Variants in CTNNA2 observed in about 807,000 individuals in gnomAD.
The protein encoded by CTNNA2 is catenin alpha 2, also known as catenin alpha-2.
CTNNA2 carries 42 observed loss-of-function variants against 101.0 expected under a neutral mutation model. That is an observed-to-expected ratio of 0.42 (90% CI 0.32 to 0.54). The LOEUF is 0.54. CTNNA2 is among the 20% of genes least tolerant of loss of function. CTNNA2 has a pLI of 0.14. For missense variants in CTNNA2, 871 were observed against 1,223.1 expected, an observed-to-expected ratio of 0.71 and a Z score of 4.29; for synonymous variants, 450 against 456.4, an observed-to-expected ratio of 0.99 and a Z score of 0.18.
At chr2:80,364,313 A>G (rs951118892) in intron 7 of CTNNA2, among the ~76,000 whole-genome samples, 12 of 152,164 alleles carry the variant, frequency 7.9e-5, no homozygotes, top group African/African-American at 2.9e-4. Context: ...TCACTTCTTC[A>G]GAGTTCAATA....
chr2:80,585,565 T>C (rs1695906704), intron 14 of CTNNA2, among the ~76,000 whole-genome samples: 1 of 152,182 alleles, frequency 6.6e-6, no homozygotes. Flanking sequence ...TTTTCTCATG[T>C]TCCCTTAGTT....
At chr2:79,365,664 T>TG (rs1677732554) in intron 3 of CTNNA2, among the ~76,000 whole-genome samples, 1 of 147,830 alleles carries the variant, frequency 6.8e-6, no homozygotes, top group Admixed American at 6.7e-5. Flanking sequence ...AAAAGGGAAG[T>TG]GGGGGGGACA....
chr2:80,201,374 T>TC (rs1707200014), intron 7 of CTNNA2, among the ~76,000 whole-genome samples: 1 of 138,572 alleles, frequency 7.2e-6, no homozygotes, highest in Admixed American at 7.2e-5. Flanking sequence ...TTTCTTTTTT[T>TC]TTTTTTTTTT....
chr2:79,892,656 G>T (rs892453960), intron 6 of CTNNA2, among the ~76,000 whole-genome samples: 2 of 152,208 alleles, frequency 1.3e-5, no homozygotes, highest in Non-Finnish European at 2.9e-5. Context: ...CAGACAAAGA[G>T]ACAGACAGAG....
At chr2:80,567,457 A>C (rs1694159502) in intron 12 of CTNNA2, among the ~76,000 whole-genome samples, 1 of 152,132 alleles carries the variant, frequency 6.6e-6, no homozygotes, top group Admixed American at 6.6e-5. Context: ...TGCCTTATAG[A>C]TGCCAGTCAG....
At chr2:79,755,243 A>T (rs1393081116) in intron 3 of CTNNA2, among the ~76,000 whole-genome samples, 4 of 152,204 alleles carry the variant, frequency 2.6e-5, no homozygotes, top group African/African-American at 9.7e-5. Flanking sequence ...AGGCAGGAGG[A>T]TAGCTTGAGC....
At position 79,818,125 on chromosome 2, in the gene CTNNA2, T is replaced by C. The variant is rs189885968; in HGVS notation, c.299-39888T>C. 1.1e-4 allele frequency among the ~76,000 whole-genome samples: 16 copies of C among 152,330 alleles called. No individual in the cohort carries two copies. The East Asian group carries it at 2.7e-3, about 26-fold the overall frequency. ...AGCTTTTAAGTAATGGCTGTGATTA[T>C]ATAATTAAAGCAAACTACAGCAGAT... On this transcript the variant is annotated intron_variant, in intron 3 of 18. Transcript: ENST00000402739.
intron 4 of CTNNA2, among the ~76,000 whole-genome samples, chr2:79,428,370 A>C (rs575936718): frequency 6.6e-6 from 1 of 151,988 alleles, no homozygotes; most frequent in East Asian, 1.9e-4. Flanking sequence ...ACCTGTAGGT[A>C]TTTTTCTTCT....
At chr2:80,449,320 T>C (rs1683310077) in intron 9 of CTNNA2, among the ~76,000 whole-genome samples, 1 of 142,548 alleles carries the variant, frequency 7.0e-6, no homozygotes, top group African/African-American at 2.7e-5. Flanking sequence ...AATAAATAAA[T>C]AAATACACTA....
chr2:79,351,235 G>A (rs1677380652), intron 3 of CTNNA2, among the ~76,000 whole-genome samples: 1 of 151,944 alleles, frequency 6.6e-6, no homozygotes, highest in Non-Finnish European at 1.5e-5. Flanking sequence ...TTTTTCTTAG[G>A]TTTTCTGCTA....
intron 2 of CTNNA2, among the ~76,000 whole-genome samples, chr2:79,278,218 G>A (rs1462995376): frequency 6.6e-6 from 1 of 152,086 alleles, no homozygotes; most frequent in Non-Finnish European, 1.5e-5. Flanking sequence ...ACAGGAACTG[G>A]CAAGAATGAG....
chr2:80,302,230 G>C lies in CTNNA2; in HGVS notation c.1057-90981G>C. The stretch of plus-strand genomic sequence containing the variant: ...GCCCAGGCGTATTTGGTAGCGCATG[G>C]GTTGAGAGCCACTGGGACAATCACA... On this transcript the variant is annotated intron_variant, in intron 7 of 18. Transcript: ENST00000402739. This position sits in a 1 kb window ranked among gnomAD's most constrained non-coding sequence, Gnocchi z 6.4. 1 of 1,604,396 alleles carries C rather than the reference G, an allele frequency of 6.2e-7. No individual in the cohort carries two copies. Among genetic ancestry groups the C allele is most frequent in the Non-Finnish European group, 8.5e-7 (1 of 1,175,248 alleles).
chr2:80,007,415 C>T (rs1299123368), intron 7 of CTNNA2, among the ~76,000 whole-genome samples: 1 of 152,068 alleles, frequency 6.6e-6, no homozygotes, highest in East Asian at 1.9e-4. Context: ...TATGAGTTTA[C>T]ATGCTTTACT....
At chr2:79,340,572 G>C (rs11682199) in intron 3 of CTNNA2, among the ~76,000 whole-genome samples, 1 of 152,036 alleles carries the variant, frequency 6.6e-6, no homozygotes, top group Non-Finnish European at 1.5e-5. Context: ...GGTGGCTCAC[G>C]CCTGTAATCC....
At chr2:80,372,405 C>A (rs1451428234) in intron 7 of CTNNA2, among the ~76,000 whole-genome samples, 2 of 150,982 alleles carry the variant, frequency 1.3e-5, no homozygotes, top group African/African-American at 2.4e-5. Context: ...TACTTTAGCC[C>A]TCATGTAGCA....
chr2:79,271,417 T>C (rs1267910523), intron 2 of CTNNA2, among the ~76,000 whole-genome samples: 1 of 152,070 alleles, frequency 6.6e-6, no homozygotes, highest in Non-Finnish European at 1.5e-5. Flanking sequence ...TTGGAAAGAC[T>C]GATAGCGAGA....
chr2:79,551,325 G>A (rs1377540712), intron 1 of CTNNA2, among the ~76,000 whole-genome samples: 1 of 152,086 alleles, frequency 6.6e-6, no homozygotes, highest in Non-Finnish European at 1.5e-5. Flanking sequence ...ATGGGGGAGG[G>A]TAGATAAAAG....
At chr2:79,557,526 G>T (rs1418962490) in intron 1 of CTNNA2, among the ~76,000 whole-genome samples, 1 of 151,806 alleles carries the variant, frequency 6.6e-6, no homozygotes, top group Non-Finnish European at 1.5e-5. Flanking sequence ...ACTCAATGCT[G>T]TTCTAATGGT....
chr2:79,854,899 T>G (rs1681008602), intron 3 of CTNNA2, among the ~76,000 whole-genome samples: 1 of 152,212 alleles, frequency 6.6e-6, no homozygotes. Flanking sequence ...AAAAGCACTT[T>G]TCTCTACATT....
Sources: gnomAD v4.1 joint callset for allele counts (sites outside exome capture counted in the v4.1 genomes callset) on GRCh38, gnomAD v4.1.1 for gene constraint, Gnocchi (gnomAD v3.1) non-coding constraint, MANE v1.5 for transcripts, NCBI Gene and HGNC (gene_info 2026-07-23, HGNC 2026-07-21) for gene names.